UTRN: variants seen among roughly 807,000 people sequenced by gnomAD.
The protein encoded by UTRN is utrophin.
Under a neutral mutation model 463.9 loss-of-function variants are expected in UTRN, and 283 were observed. The observed-to-expected ratio is 0.61, with a 90% CI of 0.55 to 0.67. The LOEUF (loss-of-function observed/expected upper bound fraction) is 0.67, where lower values mean the gene tolerates loss of function less well. UTRN is among the 30% of genes least tolerant of loss of function. The probability of loss-of-function intolerance (pLI) is 0.00; values close to 1 mark genes in which losing one functional copy is unlikely to be tolerated. For synonymous variants in UTRN, 1,442 were observed against 1,431.5 expected, an observed-to-expected ratio of 1.01 and a Z score of -0.17; for missense variants, 3,922 against 4,084.3, an observed-to-expected ratio of 0.96 and a Z score of 1.08.
chr6:144,752,103 T>G (rs1221015869), intron 56 of UTRN, 151 bp downstream of exon 56: 1 of 776,082 alleles, frequency 1.3e-6, no homozygotes, highest in African/African-American at 1.8e-5. Context: ...TATTTGTCTT[T>G]CAGTATCTTG....
At chr6:144,362,969 A>G (rs770357544) in intron 2 of UTRN, among the ~76,000 whole-genome samples, 2 of 152,072 alleles carry the variant, frequency 1.3e-5, no homozygotes, top group Non-Finnish European at 2.9e-5. Context: ...TAGGTTTTGT[A>G]TTATGTGGGT....
chr6:144,360,860 T>TC (rs879791019), intron 2 of UTRN, among the ~76,000 whole-genome samples: 23 of 152,196 alleles, frequency 1.5e-4, no homozygotes, highest in Non-Finnish European at 3.1e-4. Context: ...CTCTACTCCC[T>TC]AGCAGTGTTT....
intron 51 of UTRN, among the ~76,000 whole-genome samples, chr6:144,677,353 G>T (rs193094917): frequency 6.6e-6 from 1 of 152,164 alleles, no homozygotes; most frequent in Non-Finnish European, 1.5e-5. Flanking sequence ...ACTTATGAGT[G>T]AGAACATGCG....
In UTRN at chr6:144,477,533, T is replaced by TACACACAC. The variant is rs10651559; in HGVS notation, c.3337-2258_3337-2251dup. On this transcript the variant is annotated intron_variant, in intron 25 of 74. Coordinates refer to ENST00000367545, the MANE Select transcript of UTRN (RefSeq NM_007124.3). ...TTCTCTCTCTCTGCCTTTCTCTTTATACACACACACACACACACACACACA... is the reference window on the plus strand; with the variant it reads ...TTCTCTCTCTCTGCCTTTCTCTTTATACACACACACACACACACACACACACACACACA... 2.2e-3 allele frequency among the ~76,000 whole-genome samples: 318 copies of TACACACAC among 146,846 alleles called. 1 individual carries two copies. The highest frequency in any genetic ancestry group is 7.0e-3 in the African/African-American group (278 of 39,982).
intron 3 of UTRN, among the ~76,000 whole-genome samples, chr6:144,414,621 C>G (rs1044810066): frequency 3.3e-5 from 5 of 152,012 alleles, no homozygotes; most frequent in Admixed American, 2.6e-4. Context: ...CAGTAATGTC[C>G]TAGGCCTTCA....
intron 60 of UTRN, among the ~76,000 whole-genome samples, chr6:144,774,840 A>G (rs940860739): frequency 6.6e-6 from 1 of 152,220 alleles, no homozygotes; most frequent in Non-Finnish European, 1.5e-5. Flanking sequence ...ATATCTTGAG[A>G]CATTTAGTAT....
chr6:144,847,054 A>G (rs1362235384), intron 74 of UTRN, among the ~76,000 whole-genome samples: 2 of 152,204 alleles, frequency 1.3e-5, no homozygotes, highest in Non-Finnish European at 2.9e-5. Flanking sequence ...TTTGTGTTCT[A>G]ACAGCTTTTT....
chr6:144,821,048 G>A (rs374896087), intron 66 of UTRN, 30 bp downstream of exon 66: 25 of 1,607,388 alleles, frequency 1.6e-5, no homozygotes, highest in Admixed American at 6.8e-5. Flanking sequence ...TAAATCTAGT[G>A]TGAACATTTA....
At chr6:144,425,988 A>G (rs1317707277) in intron 6 of UTRN, among the ~76,000 whole-genome samples, 1 of 152,252 alleles carries the variant, frequency 6.6e-6, no homozygotes, top group African/African-American at 2.4e-5. Flanking sequence ...ACTTTCTATG[A>G]CTGTGAAAGT....
Position 144,557,185 on chromosome 6 carries a change from A to G in UTRN, c.7163A>G (p.Asp2388Gly). Residue 2388 changes from aspartate to glycine, a missense_variant, in exon 50 of 75, where the codon GAT becomes GGT. This residue lies in a region of UTRN where 1,309 missense variants were observed against 1,452.6 expected (regional missense o/e 0.90). Transcript: ENST00000367545. The stretch of plus-strand genomic sequence containing the variant: ...CTGCTTCAAGAACTGGGTCCTGGAG[A>G]TGGTATCGTCATGGCGTTCGATAAC... ...QILLQELGPG[D>G]GIVMAFDNVL... is the part of the protein sequence containing the mutation. 1.2e-6 allele frequency: 2 copies of G among 1,613,906 alleles called. No individual in the cohort carries two copies. The highest frequency in any genetic ancestry group is 2.7e-5 in the African/African-American group (2 of 75,044).
At chr6:144,401,630 T>C (rs1782942902) in intron 2 of UTRN, among the ~76,000 whole-genome samples, 1 of 152,204 alleles carries the variant, frequency 6.6e-6, no homozygotes, top group African/African-American at 2.4e-5. Flanking sequence ...CTTAGTGTCT[T>C]GGAGTTGGTC....
chr6:144,566,950 T>G (rs576648328), intron 50 of UTRN, among the ~76,000 whole-genome samples: 3 of 152,124 alleles, frequency 2.0e-5, no homozygotes, highest in African/African-American at 7.2e-5. Flanking sequence ...AGTTCCAGAC[T>G]AGCCTGGGAA....
chr6:144,311,575 G>A (rs527934925), intron 2 of UTRN: 1 of 152,336 alleles, frequency 6.6e-6, no homozygotes, highest in Non-Finnish European at 1.5e-5. Flanking sequence ...ACAATTAATT[G>A]ATTTGTTTGT....
chr6:144,587,459 T>TA (rs1027236010), intron 51 of UTRN, among the ~76,000 whole-genome samples: 1 of 152,164 alleles, frequency 6.6e-6, no homozygotes, highest in Non-Finnish European at 1.5e-5. Flanking sequence ...AGTAAATAGA[T>TA]AATGAACATG....
At chr6:144,602,446 G>A (rs565191017) in intron 51 of UTRN, among the ~76,000 whole-genome samples, 6 of 151,984 alleles carry the variant, frequency 3.9e-5, no homozygotes, top group Non-Finnish European at 8.8e-5. Context: ...GCCTCCTACA[G>A]CATATTTCTC....
At chr6:144,815,499 G>C (rs1258205472) in intron 65 of UTRN, among the ~76,000 whole-genome samples, 3 of 152,208 alleles carry the variant, frequency 2.0e-5, no homozygotes, top group African/African-American at 7.2e-5. Flanking sequence ...CTCAAAAGTA[G>C]AGAAGCCGAC....
At chr6:144,420,812 A>C (rs753372784) in intron 3 of UTRN, among the ~76,000 whole-genome samples, 1 of 152,208 alleles carries the variant, frequency 6.6e-6, no homozygotes, top group Non-Finnish European at 1.5e-5. Context: ...TGTGAGACGC[A>C]GTGATGAAGT....
intron 71 of UTRN, 76 bp from the exon 72 acceptor site, chr6:144,839,097 G>A: frequency 1.8e-6 from 2 of 1,129,670 alleles, no homozygotes; most frequent in South Asian, 2.6e-5. Flanking sequence ...TGAGGGCGGG[G>A]AAGTTAAAAA....
chr6:144,333,193 G>A (rs1751918477), intron 2 of UTRN: 1 of 152,022 alleles, frequency 6.6e-6, no homozygotes, highest in Admixed American at 6.6e-5. Flanking sequence ...CACCCACCTC[G>A]GCCTCCCAAA....
Sources: gnomAD v4.1 joint callset for allele counts (sites outside exome capture counted in the v4.1 genomes callset) on GRCh38, gnomAD v4.1.1 for gene constraint, gnomAD v4.1.1 regional missense constraint, MANE v1.5 for transcripts, NCBI Gene and HGNC (gene_info 2026-07-23, HGNC 2026-07-21) for gene names.